Variants in HSPA12A observed in about 807,000 individuals in gnomAD.
HSPA12A encodes the protein heat shock 70 kDa protein 12A.
Under a neutral mutation model 69.2 loss-of-function variants are expected in HSPA12A, and 28 were observed. The observed-to-expected ratio is 0.40, with a 90% CI of 0.30 to 0.55. The LOEUF (loss-of-function observed/expected upper bound fraction) is 0.55. HSPA12A is among the 20% of genes least tolerant of loss of function. The probability of loss-of-function intolerance (pLI) is 0.38; values close to 1 mark genes in which losing one functional copy is unlikely to be tolerated. For synonymous variants in HSPA12A, 345 were observed against 370.5 expected (o/e 0.93, Z 0.79); for missense variants, 686 against 900.7 (o/e 0.76, Z 3.05).
intron 2 of HSPA12A, among the ~76,000 whole-genome samples, chr10:116,824,912 A>G (rs1208453238): frequency 6.6e-6 from 1 of 151,684 alleles, no homozygotes; most frequent in East Asian, 2.1e-4. Flanking sequence ...GATTACAGGC[A>G]TAAGCCACAG....
intron 1 of HSPA12A, among the ~76,000 whole-genome samples, chr10:116,721,840 A>G (rs1307722316): frequency 2.6e-5 from 4 of 152,212 alleles, no homozygotes; most frequent in African/African-American, 7.2e-5. Flanking sequence ...CACACTCATC[A>G]TCATGGCTGC....
At chr10:116,837,501 G>A (rs1845735260) in intron 1 of HSPA12A, among the ~76,000 whole-genome samples, 2 of 152,068 alleles carry the variant, frequency 1.3e-5, no homozygotes, top group South Asian at 2.1e-4. Context: ...CTGACAAAGA[G>A]CACAGAGAAC....
chr10:116,686,054 C>G lies in HSPA12A; in HGVS notation c.664-2092G>C, dbSNP rs569269710. Among the ~76,000 whole-genome samples, 1 of 152,296 alleles carries G rather than the reference C, an allele frequency of 6.6e-6. No individual in the cohort carries two copies. The highest frequency in any genetic ancestry group is 2.1e-4 in the South Asian group (1 of 4,828). ...CCTTAGGTGACATCGGTCAACAGGG[C>G]CCTGACTCAGGTGCATGACAGGATT... On this transcript the variant is annotated intron_variant, in intron 6 of 11. Transcript: ENST00000369209. This position sits in a 1 kb window ranked among gnomAD's most constrained non-coding sequence, Gnocchi z 4.1.
chr10:116,676,404 T>A lies in HSPA12A; in HGVS notation c.1385A>T (p.His462Leu). 1 of 1,613,202 alleles carries A rather than the reference T, an allele frequency of 6.2e-7. No homozygotes were observed. ...FKPTIDSIIEHLRDLFQKPEV... is the reference protein window; with the variant it reads ...FKPTIDSIIELLRDLFQKPEV... ...CGAGCCTGGCTGATACTTACGGAGATGCTCAATGATGCTATCGATGGTCGG... is the reference window on the plus strand; with the variant it reads ...CGAGCCTGGCTGATACTTACGGAGAAGCTCAATGATGCTATCGATGGTCGG... The change falls in exon 11 of 12, where the codon CAT becomes CTT. Residue 462 changes from histidine to leucine, a missense_variant. Transcript: ENST00000369209.
intron 1 of HSPA12A, among the ~76,000 whole-genome samples, chr10:116,839,029 A>G (rs1845762042): frequency 6.6e-6 from 1 of 152,258 alleles, no homozygotes; most frequent in Non-Finnish European, 1.5e-5. Flanking sequence ...AGAAGTGTAA[A>G]GATCCTTTAT....
intron 7 of HSPA12A, 92 bp downstream of exon 7, chr10:116,683,699 C>T: frequency 7.9e-7 from 1 of 1,261,988 alleles, no homozygotes; most frequent in Middle Eastern, 2.1e-4. Flanking sequence ...TTCATTATGG[C>T]ACTAAGTGCC....
At chr10:116,850,504 A>G (rs1389590348), upstream of HSPA12A, among the ~76,000 whole-genome samples, 2 of 152,032 alleles carry the variant, frequency 1.3e-5, no homozygotes, top group South Asian at 2.1e-4. Context: ...TTCCAGATCT[A>G]TAAGTAGTAA....
intron 1 of HSPA12A, among the ~76,000 whole-genome samples, chr10:116,720,263 C>T (rs561429050): frequency 9.3e-4 from 142 of 152,338 alleles, no homozygotes; most frequent in African/African-American, 3.3e-3. Context: ...TGGGCACCGC[C>T]CCCTCCCTCC....
chr10:116,769,206 C>T (rs1844144448), intron 2 of HSPA12A, among the ~76,000 whole-genome samples: 1 of 152,214 alleles, frequency 6.6e-6, no homozygotes, highest in Non-Finnish European at 1.5e-5. Flanking sequence ...CCTGTGAGGT[C>T]ACTTGGACTC....
At chr10:116,685,835 C>G (rs1260701076) in intron 6 of HSPA12A, among the ~76,000 whole-genome samples, 3 of 152,036 alleles carry the variant, frequency 2.0e-5, no homozygotes, top group Non-Finnish European at 4.4e-5. Flanking sequence ...CTGTAAATAC[C>G]AAATGCCTCA....
chr10:116,776,465 G>A (rs923090639), intron 2 of HSPA12A, among the ~76,000 whole-genome samples: 18 of 152,288 alleles, frequency 1.2e-4, no homozygotes, highest in African/African-American at 4.1e-4. Context: ...AAAATCAGCC[G>A]GGATTGATTC....
chr10:116,805,112 C>T (rs1241793513), intron 2 of HSPA12A, among the ~76,000 whole-genome samples: 2 of 152,094 alleles, frequency 1.3e-5, no homozygotes, highest in Non-Finnish European at 2.9e-5. Flanking sequence ...GTCAGGAGAT[C>T]CAGACCATCC....
Position 116,723,701 on chromosome 10 carries a change from A to C in HSPA12A, c.41-16416T>G, listed in dbSNP as rs1743813294. Among the ~76,000 whole-genome samples the C allele has an allele frequency of 6.6e-6, 1 of 152,150 alleles. No homozygotes were observed. Among genetic ancestry groups the C allele is most frequent in the Admixed American group, 6.5e-5 (1 of 15,290 alleles). ...CTGCGCACACGTGCTGAGGTTTTAA[A>C]ACTGAATCTCCAGCCTGAGGACCAT... On this transcript the variant is annotated intron_variant, in intron 1 of 11. Coordinates refer to ENST00000369209, the MANE Select transcript of HSPA12A (RefSeq NM_025015.3). The surrounding 1 kb of genome is among the most constrained non-coding windows in gnomAD (Gnocchi z 4.1).
chr10:116,840,135 G>A (rs1845781483), intron 1 of HSPA12A, among the ~76,000 whole-genome samples: 1 of 152,128 alleles, frequency 6.6e-6, no homozygotes, highest in Non-Finnish European at 1.5e-5. Context: ...TTCCTGTTTT[G>A]AGTTGATTTT....
rs1554878640 is a variant in HSPA12A at position 116,681,781 on chromosome 10, A to C, written c.922+10T>G. 6.2e-7 allele frequency: 1 copy of C among 1,612,176 alleles called. No homozygotes were observed. The highest frequency in any genetic ancestry group is 8.5e-7 in the Non-Finnish European group (1 of 1,178,280). On this transcript the variant is annotated intron_variant, in intron 8 of 11. Coordinates refer to ENST00000369209, the MANE Select transcript of HSPA12A (RefSeq NM_025015.3). ...ATCCAGCAAGAGCAAAGGACATTGA[A>C]GGACGCTACCTTCCTCCAGCTCGGA...
At chr10:116,699,727 GC>G (rs2132962224) in intron 4 of HSPA12A, among the ~76,000 whole-genome samples, 1 of 152,268 alleles carries the variant, frequency 6.6e-6, no homozygotes, top group South Asian at 2.1e-4. Flanking sequence ...GTGGTCAAGT[GC>G]CAGGAAACCA....
chr10:116,805,532 GA>G (rs777865480), intron 2 of HSPA12A, among the ~76,000 whole-genome samples: 45 of 152,046 alleles, frequency 3.0e-4, no homozygotes, highest in Non-Finnish European at 5.7e-4. Context: ...GATTTCAAGG[GA>G]AAATGTACAC....
intron 1 of HSPA12A, among the ~76,000 whole-genome samples, chr10:116,739,376 A>C (rs1452443784): frequency 6.6e-6 from 1 of 152,176 alleles, no homozygotes; most frequent in Non-Finnish European, 1.5e-5. Context: ...TCCTCAATAA[A>C]AGTGAACGTT....
rs2132994727 is a variant in HSPA12A at position 116,710,370 on chromosome 10, T to A, written c.41-3085A>T. ...GCAGACAAACTATCCACCCCGCTGC[T>A]GCTTGGTCCTAATTATCCCATCACT... is the stretch of plus-strand genomic sequence containing the variant. On this transcript the variant is annotated intron_variant, in intron 1 of 11. Coordinates refer to ENST00000369209, the MANE Select transcript of HSPA12A (RefSeq NM_025015.3). The surrounding 1 kb of genome is among the most constrained non-coding windows in gnomAD (Gnocchi z 4.1). 6.6e-6 allele frequency among the ~76,000 whole-genome samples: 1 copy of A among 152,348 alleles called. No homozygotes were observed. The highest frequency in any genetic ancestry group is 2.4e-5 in the African/African-American group (1 of 41,586).
Sources: allele counts gnomAD v4.1 joint callset (sites outside exome capture counted in the v4.1 genomes callset), GRCh38; gene constraint gnomAD v4.1.1; non-coding constraint Gnocchi (gnomAD v3.1); transcripts MANE v1.5; gene names NCBI Gene and HGNC (gene_info 2026-07-23, HGNC 2026-07-21).